AGBL1: variants seen among roughly 807,000 people sequenced by gnomAD.
The protein encoded by AGBL1 is AGBL carboxypeptidase 1.
Under a neutral mutation model 118.9 loss-of-function variants are expected in AGBL1, and 130 were observed. The ratio of observed to expected loss-of-function variants is 1.09; its 90% CI spans 0.95 to 1.26. The LOEUF is 1.26. AGBL1 is among the 50% of genes most tolerant of loss of function. AGBL1 has a pLI of 0.00. For synonymous variants in AGBL1, 555 were observed against 478.9 expected, an observed-to-expected ratio of 1.16 and a Z score of -2.08; for missense variants, 1,584 against 1,298.1, an observed-to-expected ratio of 1.22 and a Z score of -3.38.
chr15:86,288,140 G>A (rs748989556), intron 16 of AGBL1, among the ~76,000 whole-genome samples: 1 of 152,104 alleles, frequency 6.6e-6, no homozygotes, highest in Non-Finnish European at 1.5e-5. Flanking sequence ...TAGTAATTGT[G>A]AGGCAGGCTA....
intron 5 of AGBL1, among the ~76,000 whole-genome samples, chr15:86,198,377 G>T (rs1345657516): frequency 5.3e-5 from 8 of 152,162 alleles, no homozygotes; most frequent in Non-Finnish European, 1.2e-4. Flanking sequence ...ATGAGAATTT[G>T]GACTTGAGAT....
chr15:86,819,474 C>G (rs932407288), intron 22 of AGBL1, among the ~76,000 whole-genome samples: 1 of 152,074 alleles, frequency 6.6e-6, no homozygotes, highest in African/African-American at 2.4e-5. Flanking sequence ...AAATCACAAG[C>G]ATTCCTATAT....
chr15:86,308,110 A>T (rs927943502), intron 17 of AGBL1, among the ~76,000 whole-genome samples: 2 of 152,212 alleles, frequency 1.3e-5, no homozygotes, highest in African/African-American at 4.8e-5. Flanking sequence ...TTATCTTATT[A>T]AACATATTTT....
At chr15:86,420,792 C>T (rs1324303775) in intron 18 of AGBL1, among the ~76,000 whole-genome samples, 1 of 152,066 alleles carries the variant, frequency 6.6e-6, no homozygotes, top group Non-Finnish European at 1.5e-5. Flanking sequence ...AAAAACACAG[C>T]AGGAGAACTT....
chr15:86,781,379 A>G (rs938367747), intron 22 of AGBL1, among the ~76,000 whole-genome samples: 1 of 152,184 alleles, frequency 6.6e-6, no homozygotes, highest in Non-Finnish European at 1.5e-5. Context: ...AATTGTTTAT[A>G]GGTTTCCCTT....
chr15:86,257,404 A>T (rs1033448508), intron 8 of AGBL1, among the ~76,000 whole-genome samples: 1 of 152,210 alleles, frequency 6.6e-6, no homozygotes, highest in African/African-American at 2.4e-5. Context: ...GTTATTTACA[A>T]CTGCAGGCTA....
At chr15:86,807,625 T>C (rs10852080) in intron 22 of AGBL1, among the ~76,000 whole-genome samples, 48,302 of 151,848 alleles carry the variant, frequency 0.32, 9,726 homozygotes, top group Non-Finnish European at 0.47. Context: ...GTGGAAAGTG[T>C]GTTGACCTTG....
chr15:86,081,231 G>A (rs933236137), intron 1 of AGBL1, among the ~76,000 whole-genome samples: 1 of 152,064 alleles, frequency 6.6e-6, no homozygotes, highest in Non-Finnish European at 1.5e-5. Flanking sequence ...TTTTAGTAGA[G>A]ATGGGGTTTC....
chr15:86,889,682 TA>T (rs2080023360), intron 22 of AGBL1, among the ~76,000 whole-genome samples: 1 of 152,190 alleles, frequency 6.6e-6, no homozygotes, highest in African/African-American at 2.4e-5. Flanking sequence ...TTGCTGAGGA[TA>T]ACGACTTCCA....
chr15:86,093,872 C>G (rs545462612), intron 1 of AGBL1, among the ~76,000 whole-genome samples: 2 of 152,206 alleles, frequency 1.3e-5, no homozygotes, highest in South Asian at 4.1e-4. Context: ...AGAGAGAGCC[C>G]TTCAATATAC....
At chr15:86,283,963 C>G (rs528314523) in intron 16 of AGBL1, among the ~76,000 whole-genome samples, 1 of 151,930 alleles carries the variant, frequency 6.6e-6, no homozygotes, top group East Asian at 1.9e-4. Context: ...CTCTTAGCCT[C>G]GGTTTTCTCA....
At chr15:86,354,602 A>T (rs1292337542) in intron 17 of AGBL1, among the ~76,000 whole-genome samples, 4 of 152,270 alleles carry the variant, frequency 2.6e-5, no homozygotes, top group African/African-American at 9.6e-5. Context: ...CTGCATAATC[A>T]GCCAATAGTT....
intron 5 of AGBL1, among the ~76,000 whole-genome samples, chr15:86,169,120 A>G (rs2077380471): frequency 6.6e-6 from 1 of 152,212 alleles, no homozygotes; most frequent in African/African-American, 2.4e-5. Flanking sequence ...ACTGACTTGC[A>G]GCCCAGCAGA....
At chr15:86,354,090 T>C (rs753662857) in intron 17 of AGBL1, among the ~76,000 whole-genome samples, 167 of 152,332 alleles carry the variant, frequency 1.1e-3, no homozygotes, top group Non-Finnish European at 2.1e-3. Context: ...GGCATGGCTG[T>C]CATGACTTCC....
chr15:86,126,597 A>G (rs1898447109), intron 1 of AGBL1, among the ~76,000 whole-genome samples: 1 of 152,256 alleles, frequency 6.6e-6, no homozygotes, highest in Non-Finnish European at 1.5e-5. Context: ...CATTATCCAT[A>G]TACTCTTATC....
chr15:86,824,558 GT>G (rs58610105), intron 22 of AGBL1, among the ~76,000 whole-genome samples: 110,961 of 150,610 alleles, frequency 0.74, 42,055 homozygotes, highest in African/African-American at 0.92. Context: ...ATCCCAGGAA[GT>G]TTTTTTTTTT....
At chr15:86,794,608 T>G (rs2078543589) in intron 22 of AGBL1, among the ~76,000 whole-genome samples, 1 of 152,106 alleles carries the variant, frequency 6.6e-6, no homozygotes, top group Non-Finnish European at 1.5e-5. Flanking sequence ...GTGGAGAACT[T>G]TATAATATGT....
At chr15:86,749,852 G>A (rs1052791947) in intron 22 of AGBL1, among the ~76,000 whole-genome samples, 2 of 152,160 alleles carry the variant, frequency 1.3e-5, no homozygotes, top group African/African-American at 4.8e-5. Flanking sequence ...GCATCCCAGG[G>A]ATGAAGCCCA....
At chr15:86,560,723 C>T (rs564930506) in intron 21 of AGBL1, among the ~76,000 whole-genome samples, 1 of 152,308 alleles carries the variant, frequency 6.6e-6, no homozygotes, top group African/African-American at 2.4e-5. Context: ...ACACTGTCTT[C>T]CACAATGGTT....
Sources: gnomAD v4.1 joint callset for allele counts (sites outside exome capture counted in the v4.1 genomes callset) on GRCh38, gnomAD v4.1.1 for gene constraint, MANE v1.5 for transcripts, NCBI Gene and HGNC (gene_info 2026-07-23, HGNC 2026-07-21) for gene names.